The following DCC variants were observed in gnomAD, a reference collection of about 807,000 sequenced individuals.
DCC encodes DCC netrin 1 receptor, also known as netrin receptor DCC.
Under a neutral mutation model 172.5 loss-of-function variants are expected in DCC, and 58 were observed. That is an observed-to-expected ratio of 0.34 (90% CI 0.27 to 0.42). The LOEUF (loss-of-function observed/expected upper bound fraction) is 0.42. DCC is among the 10% of genes least tolerant of loss of function. The probability of loss-of-function intolerance (pLI) is 1.00; values close to 1 mark genes in which losing one functional copy is unlikely to be tolerated. For missense variants in DCC, 1,740 were observed against 1,791.0 expected (o/e 0.97, Z 0.51); for synonymous variants, 709 against 644.5 (o/e 1.10, Z -1.52).
At chr18:53,368,921 G>A (rs1167672121) in intron 15 of DCC, among the ~76,000 whole-genome samples, 1 of 151,604 alleles carries the variant, frequency 6.6e-6, no homozygotes, top group Non-Finnish European at 1.5e-5. Flanking sequence ...TGGCTATTTG[G>A]ACTCCTTTAA....
At chr18:52,968,895 G>A (rs1468391514) in intron 5 of DCC, among the ~76,000 whole-genome samples, 1 of 151,834 alleles carries the variant, frequency 6.6e-6, no homozygotes, top group Non-Finnish European at 1.5e-5. Context: ...ATTTAGTTAG[G>A]AGTCCTGTAT....
intron 12 of DCC, among the ~76,000 whole-genome samples, chr18:53,297,739 T>C (rs2057084874): frequency 6.6e-6 from 1 of 152,198 alleles, no homozygotes; most frequent in Non-Finnish European, 1.5e-5. Context: ...ATAACATTAA[T>C]AAGAAAAGAA....
intron 15 of DCC, among the ~76,000 whole-genome samples, chr18:53,368,894 C>T (rs1050388585): frequency 2.6e-5 from 4 of 151,726 alleles, no homozygotes; most frequent in Admixed American, 6.6e-5. Flanking sequence ...CTTTATTCTC[C>T]TTTTTCAAAA....
chr18:52,941,983 A>T (rs1424670648), intron 5 of DCC, among the ~76,000 whole-genome samples: 3 of 152,072 alleles, frequency 2.0e-5, no homozygotes, highest in Admixed American at 6.6e-5. Flanking sequence ...AGGTTTCACC[A>T]TGTTAGCCAG....
intron 15 of DCC, among the ~76,000 whole-genome samples, chr18:53,381,655 A>T (rs1343830537): frequency 7.0e-6 from 1 of 142,618 alleles, no homozygotes; most frequent in Non-Finnish European, 1.5e-5. Flanking sequence ...ACCAGACTTC[A>T]GTATCTATTT....
chr18:52,637,643 A>C (rs576019910), intron 1 of DCC, among the ~76,000 whole-genome samples: 30 of 152,344 alleles, frequency 2.0e-4, no homozygotes, highest in Admixed American at 1.2e-3. Context: ...AAATATGAAC[A>C]AAGCCTCCAA....
chr18:52,549,338 C>G lies in DCC; in HGVS notation c.92-202716C>G, dbSNP rs866683454. Among the ~76,000 whole-genome samples, 8 of 152,026 alleles carry G rather than the reference C, an allele frequency of 5.3e-5. No homozygotes were observed. The South Asian group carries it at 6.2e-4, about 12-fold the overall frequency. ...CATTCCATCTAAATATTTTTCTCCCCTCTTCTAACCAGCTCCTTCTATCAC... is the reference window on the plus strand; with the variant it reads ...CATTCCATCTAAATATTTTTCTCCCGTCTTCTAACCAGCTCCTTCTATCAC... On this transcript the variant is annotated intron_variant, in intron 1 of 28. Coordinates refer to ENST00000442544, the MANE Select transcript of DCC (RefSeq NM_005215.4).
intron 1 of DCC, among the ~76,000 whole-genome samples, chr18:52,536,829 A>G (rs950887573): frequency 6.6e-6 from 1 of 152,128 alleles, no homozygotes; most frequent in African/African-American, 2.4e-5. Context: ...TCCTAAGAAG[A>G]CTCTGATAAA....
intron 1 of DCC, among the ~76,000 whole-genome samples, chr18:52,540,902 G>T (rs779711663): frequency 6.6e-6 from 1 of 152,204 alleles, no homozygotes; most frequent in Admixed American, 6.5e-5. Flanking sequence ...CACCGCGCCC[G>T]GCCTCAACTG....
intron 1 of DCC, among the ~76,000 whole-genome samples, chr18:52,367,729 G>A (rs1984942856): frequency 6.6e-6 from 1 of 152,180 alleles, no homozygotes; most frequent in Non-Finnish European, 1.5e-5. Context: ...TAACAACTTT[G>A]ATGGGGTGCA....
chr18:53,351,367 C>CTA (rs2057800480), intron 15 of DCC, among the ~76,000 whole-genome samples: 1 of 32,992 alleles, frequency 3.0e-5, no homozygotes, highest in Non-Finnish European at 6.8e-5. Flanking sequence ...TATATATATA[C>CTA]TGTATATATA....
chr18:52,902,896 T>C (rs1228684251), intron 2 of DCC, among the ~76,000 whole-genome samples: 1 of 152,208 alleles, frequency 6.6e-6, no homozygotes, highest in African/African-American at 2.4e-5. Context: ...CTCTGTGAAA[T>C]TTTCAAACAT....
chr18:53,334,304 A>G (rs1471774769), intron 14 of DCC, among the ~76,000 whole-genome samples: 3 of 152,130 alleles, frequency 2.0e-5, no homozygotes, highest in Non-Finnish European at 2.9e-5. Flanking sequence ...TTCTCCTTCT[A>G]CTTAGAATAA....
Position 53,530,623 on chromosome 18 carries a change from G to A in DCC, c.4314G>A (p.Gln1438=), listed in dbSNP as rs2046515486. The A allele has an allele frequency of 1.2e-6, 2 of 1,601,586 alleles. No individual in the cohort carries two copies. The highest frequency in any genetic ancestry group is 8.6e-7 in the Non-Finnish European group (1 of 1,168,578). ...QMASLEGLMK[Q]LNAITGSAF Reference sequence around the variant, plus strand: ...CAAGTTTGGAAGGACTCATGAAGCAGCTTAATGCCATCACAGGCTCAGCCT... The same window carrying A: ...CAAGTTTGGAAGGACTCATGAAGCAACTTAATGCCATCACAGGCTCAGCCT... The change falls in exon 29 of 29, where the codon CAG becomes CAA. Residue 1438 remains glutamine, a synonymous_variant. Transcript: ENST00000442544.
chr18:52,906,349 G>A, intron 3 of DCC, 21 bp downstream of exon 3: 1 of 1,612,620 alleles, frequency 6.2e-7, no homozygotes, highest in Non-Finnish European at 8.5e-7. Flanking sequence ...GCTCTTTGTT[G>A]CCTTCAGAAT....
chr18:52,906,588 T>C (rs886528515), intron 3 of DCC, among the ~76,000 whole-genome samples: 10 of 151,990 alleles, frequency 6.6e-5, no homozygotes, highest in Non-Finnish European at 1.5e-4. Flanking sequence ...TCTATTAATA[T>C]TTAGTGAGTA....
At chr18:52,524,363 GTTGA>G (rs1042256898) in intron 1 of DCC, among the ~76,000 whole-genome samples, 9 of 152,148 alleles carry the variant, frequency 5.9e-5, no homozygotes, top group African/African-American at 2.2e-4. Context: ...TAAATTAGAG[GTTGA>G]TTATTTGCAA....
At chr18:52,532,639 G>C (rs780005966) in intron 1 of DCC, among the ~76,000 whole-genome samples, 5 of 152,024 alleles carry the variant, frequency 3.3e-5, no homozygotes, top group African/African-American at 1.2e-4. Context: ...TTTCAAATGA[G>C]TAATTCATTG....
intron 1 of DCC, among the ~76,000 whole-genome samples, chr18:52,399,642 A>T (rs1568151104): frequency 6.6e-6 from 1 of 151,748 alleles, no homozygotes; most frequent in Non-Finnish European, 1.5e-5. Flanking sequence ...TCAGTGTCAA[A>T]CTCTCTGAAA....
Sources: gnomAD v4.1 joint callset for allele counts (sites outside exome capture counted in the v4.1 genomes callset) on GRCh38, gnomAD v4.1.1 for gene constraint, MANE v1.5 for transcripts, NCBI Gene and HGNC (gene_info 2026-07-23, HGNC 2026-07-21) for gene names.